The following CPSF4 variants were observed in gnomAD, a reference collection of about 807,000 sequenced individuals.
The protein encoded by CPSF4 is cleavage and polyadenylation specific factor 4.
CPSF4 carries 11 observed loss-of-function variants against 37.7 expected under a neutral mutation model. The observed-to-expected ratio is 0.29, with a 90% CI of 0.18 to 0.48. The LOEUF (loss-of-function observed/expected upper bound fraction) is 0.48, where lower values mean the gene tolerates loss of function less well. Among genes scored for constraint, CPSF4 ranks in the 20% least tolerant of loss-of-function variants. The pLI is 0.99. For synonymous variants in CPSF4, 132 were observed against 135.9 expected, an observed-to-expected ratio of 0.97 and a Z score of 0.20; for missense variants, 144 against 359.5, an observed-to-expected ratio of 0.40 and a Z score of 4.85.
chr7:99,441,469 C>T (rs1255222989), intron 1 of CPSF4: 2 of 456,304 alleles, frequency 4.4e-6, no homozygotes, highest in Non-Finnish European at 8.8e-6. Context: ...ACCCTCCACA[C>T]TCGCTGCTTG....
rs1303781074 is a variant in CPSF4, at chr7:99,448,108, A to G, written c.155-13A>G. ...GCCTCTCTGCTGACACCCTGTCCCT[A>G]TCTTGCCGGCAGGGGGCATGTGTCC... On this transcript the variant is annotated splice_polypyrimidine_tract_variant and intron_variant, in intron 2 of 7. Transcript: ENST00000292476. The surrounding 1 kb of genome is among the most constrained non-coding windows in gnomAD (Gnocchi z 4.4). 2 of 1,613,206 alleles carry G rather than the reference A, an allele frequency of 1.2e-6. No homozygotes were observed. Among genetic ancestry groups the G allele is most frequent in the Non-Finnish European group, 1.7e-6 (2 of 1,179,700 alleles).
In CPSF4 at chr7:99,444,851, C is replaced by G; in HGVS notation, c.154+12C>G. 6.2e-7 allele frequency: 1 copy of G among 1,613,034 alleles called. No individual in the cohort carries two copies. The highest frequency in any genetic ancestry group is 8.5e-7 in the Non-Finnish European group (1 of 1,179,536). The stretch of plus-strand genomic sequence containing the variant: ...TGCCTGCGGCAAAGGTAAGAAACTC[C>G]GGGCTCCCTGATGTGCCTCCGGAGG... On this transcript the variant is annotated intron_variant, in intron 2 of 7. Transcript: ENST00000292476.
At chr7:99,443,870 G>A (rs2150986005) in intron 1 of CPSF4, among the ~76,000 whole-genome samples, 1 of 152,234 alleles carries the variant, frequency 6.6e-6, no homozygotes, top group Admixed American at 6.5e-5. Context: ...GGTGAGCCAA[G>A]ATCGCACCAC....
At chr7:99,444,861 G>T in intron 2 of CPSF4, 22 bp downstream of exon 2, 1 of 1,612,212 alleles carries the variant, frequency 6.2e-7, no homozygotes, top group South Asian at 1.1e-5. Flanking sequence ...CGGGCTCCCT[G>T]ATGTGCCTCC....
intron 1 of CPSF4, chr7:99,443,071 T>C (rs1338705275): frequency 1.9e-6 from 2 of 1,026,494 alleles, no homozygotes; most frequent in Non-Finnish European, 3.1e-6. Flanking sequence ...TCCTTCGGCT[T>C]ATCCAAGTTA....
chr7:99,439,077 G>T lies in CPSF4; in HGVS notation c.-6G>T. 6.2e-7 allele frequency: 1 copy of T among 1,605,612 alleles called. No homozygotes were observed. Among genetic ancestry groups the T allele is most frequent in the Non-Finnish European group, 8.5e-7 (1 of 1,177,710 alleles). On this transcript the variant is annotated 5_prime_UTR_variant, in exon 1 of 8. Transcript: ENST00000292476. The stretch of plus-strand genomic sequence containing the variant: ...GAGCCGGGCCGGTGGGGCCGCCGCC[G>T]CCGCCATGCAGGAAATCATCGCCAG...
chr7:99,442,806 C>T, intron 1 of CPSF4: 1 of 796,342 alleles, frequency 1.3e-6, no homozygotes, highest in South Asian at 1.4e-5. Context: ...GGCAAGACTG[C>T]ATTTAGTATA....
At chr7:99,455,310 C>T (rs1369413151) in intron 7 of CPSF4, among the ~76,000 whole-genome samples, 2 of 152,180 alleles carry the variant, frequency 1.3e-5, no homozygotes, top group Non-Finnish European at 2.9e-5. Flanking sequence ...ATGCCGTGAG[C>T]AGGGTGTGTG....
At position 99,438,953 on chromosome 7, in the gene CPSF4, G is replaced by GGGC. The variant is rs545009584; in HGVS notation, c.-110_-108dup. 2.1e-4 allele frequency: 283 copies of GGGC among 1,346,946 alleles called. No homozygotes were observed. Among genetic ancestry groups the GGGC allele is most frequent in the African/African-American group, 1.5e-3 (93 of 63,734 alleles). The allele number at this position is 1,346,946 out of a possible 1,614,324, so 83.4% of individuals were successfully genotyped here. A position where few individuals can be genotyped will look rare whatever the true frequency, so the allele number is the denominator to read the frequency against. ...GCTCCGGGCGCTCCCGGCATCCCTC[G>GGGC]GGCGGCGGCGGCGGCGGCGGCGAGG... On this transcript the variant is annotated 5_prime_UTR_variant, in exon 1 of 8. Transcript: ENST00000292476.
intron 1 of CPSF4, among the ~76,000 whole-genome samples, chr7:99,444,420 G>A (rs908859430): frequency 6.6e-6 from 1 of 151,782 alleles, no homozygotes; most frequent in Non-Finnish European, 1.5e-5. Flanking sequence ...TCGCGTCATT[G>A]CACTCCAGCC....
chr7:99,448,107 T>G lies in CPSF4; in HGVS notation c.155-14T>G. 2.5e-6 allele frequency: 4 copies of G among 1,613,338 alleles called. No homozygotes were observed. Among genetic ancestry groups the G allele is most frequent in the Non-Finnish European group, 3.4e-6 (4 of 1,179,686 alleles). The stretch of plus-strand genomic sequence containing the variant: ...GGCCTCTCTGCTGACACCCTGTCCC[T>G]ATCTTGCCGGCAGGGGGCATGTGTC... On this transcript the variant is annotated splice_polypyrimidine_tract_variant and intron_variant, in intron 2 of 7. Coordinates refer to ENST00000292476, the MANE Select transcript of CPSF4 (RefSeq NM_006693.4). The surrounding 1 kb of genome is among the most constrained non-coding windows in gnomAD (Gnocchi z 4.4).
At chr7:99,446,979 CAG>C (rs536576472) in intron 2 of CPSF4, among the ~76,000 whole-genome samples, 1 of 151,140 alleles carries the variant, frequency 6.6e-6, no homozygotes, top group Admixed American at 6.6e-5. Context: ...TTAGTAGAGA[CAG>C]GGTTTCATTA....
At chr7:99,442,993 T>G (rs772410987) in intron 1 of CPSF4, 2 of 1,571,766 alleles carry the variant, frequency 1.3e-6, no homozygotes, top group Non-Finnish European at 1.8e-6. Context: ...TTCCTCTTTT[T>G]CAGTTTCTTA....
At chr7:99,450,148 A>G in intron 3 of CPSF4, 128 bp from the exon 4 acceptor site, 1 of 705,726 alleles carries the variant, frequency 1.4e-6, no homozygotes, top group Non-Finnish European at 2.5e-6. Context: ...GGGCTCAGAA[A>G]CACTCTTCCC....
chr7:99,455,043 A>G (rs1237023221), intron 7 of CPSF4, among the ~76,000 whole-genome samples: 1 of 151,926 alleles, frequency 6.6e-6, no homozygotes, highest in Non-Finnish European at 1.5e-5. Flanking sequence ...CAACAGACTG[A>G]GACTCTTTGT....
rs1377768628 is a variant in CPSF4 at position 99,448,480 on chromosome 7, T to C, written c.307+207T>C. 2.2e-6 allele frequency: 1 copy of C among 460,064 alleles called. No individual in the cohort carries two copies. The highest frequency in any genetic ancestry group is 3.8e-6 in the Non-Finnish European group (1 of 260,242). The allele number at this position is 460,064 out of a possible 1,614,324, so 28.5% of individuals were successfully genotyped here. ...ATCTCTTTTTTTTTTTTTTTTTTTTTAAAGACATAGGGTCTCGCTATGTTT... is the reference window on the plus strand; with the variant it reads ...ATCTCTTTTTTTTTTTTTTTTTTTTCAAAGACATAGGGTCTCGCTATGTTT... On this transcript the variant is annotated intron_variant, in intron 3 of 7. Coordinates refer to ENST00000292476, the MANE Select transcript of CPSF4 (RefSeq NM_006693.4). This position sits in a 1 kb window ranked among gnomAD's most constrained non-coding sequence, Gnocchi z 4.4.
At chr7:99,446,133 G>T (rs909947317) in intron 2 of CPSF4, among the ~76,000 whole-genome samples, 15 of 152,152 alleles carry the variant, frequency 9.9e-5, no homozygotes, top group African/African-American at 3.6e-4. Flanking sequence ...GATCAGCCAG[G>T]CCACCTTCAC....
rs547946686 is a variant in CPSF4, at chr7:99,441,108, G to A, written c.103+1923G>A. The stretch of plus-strand genomic sequence containing the variant: ...TGGGATTATAGGCGCCCACCACCAC[G>A]CCCAACTAATTTTTGTATTTTTAGT... On this transcript the variant is annotated intron_variant, in intron 1 of 7. Transcript: ENST00000292476. 2.6e-5 allele frequency among the ~76,000 whole-genome samples: 4 copies of A among 151,778 alleles called. No individual in the cohort carries two copies. The South Asian group carries it at 6.2e-4, about 24-fold the overall frequency.
Position 99,451,850 on chromosome 7 carries a change from A to G in CPSF4, c.498-518A>G, listed in dbSNP as rs541763913. ...AACCTACAGCAGGATAACAGTCTCCAGGTCTGTGGGAACCCTGGTCCCTGC... is the reference window on the plus strand; with the variant it reads ...AACCTACAGCAGGATAACAGTCTCCGGGTCTGTGGGAACCCTGGTCCCTGC... On this transcript the variant is annotated intron_variant, in intron 5 of 7. Coordinates refer to ENST00000292476, the MANE Select transcript of CPSF4 (RefSeq NM_006693.4). Among the ~76,000 whole-genome samples, 291 of 152,274 alleles carry G rather than the reference A, an allele frequency of 1.9e-3. 1 individual carries two copies. Among genetic ancestry groups the G allele is most frequent in the Non-Finnish European group, 3.3e-3 (225 of 68,010 alleles).
Sources: gnomAD v4.1 joint callset for allele counts (sites outside exome capture counted in the v4.1 genomes callset) on GRCh38, gnomAD v4.1.1 for gene constraint, Gnocchi (gnomAD v3.1) non-coding constraint, MANE v1.5 for transcripts, NCBI Gene and HGNC (gene_info 2026-07-23, HGNC 2026-07-21) for gene names.